The following RHPN2 variants were observed in gnomAD, a reference collection of about 807,000 sequenced individuals.
RHPN2 encodes the protein rhophilin Rho GTPase binding protein 2.
In RHPN2, 40 loss-of-function variants were observed where a neutral mutation model predicts 79.0. The observed-to-expected ratio is 0.51, with a 90% CI of 0.39 to 0.66. The LOEUF (loss-of-function observed/expected upper bound fraction) is 0.66, where lower values mean the gene tolerates loss of function less well. RHPN2 is among the 30% of genes least tolerant of loss of function. The pLI is 0.00. For missense variants in RHPN2, 686 were observed against 883.5 expected, an observed-to-expected ratio of 0.78 and a Z score of 2.83; for synonymous variants, 285 against 363.5, an observed-to-expected ratio of 0.78 and a Z score of 2.46.
At chr19:33,055,482 A>C (rs774433406) in intron 1 of RHPN2, among the ~76,000 whole-genome samples, 1 of 152,062 alleles carries the variant, frequency 6.6e-6, no homozygotes, top group Non-Finnish European at 1.5e-5. Context: ...CAAGGGTCCA[A>C]GGGGATGGAT....
chr19:32,983,055 T>C (rs1451794083), intron 14 of RHPN2, among the ~76,000 whole-genome samples: 1 of 103,372 alleles, frequency 9.7e-6, no homozygotes, highest in Non-Finnish European at 1.9e-5. Context: ...CCCAGATCTC[T>C]ACACACACAC....
Position 33,036,871 on chromosome 19 carries a change from C to CA in RHPN2, c.185+7377_185+7378insT, listed in dbSNP as rs1257546182. 7.6e-5 allele frequency among the ~76,000 whole-genome samples: 9 copies of CA among 118,500 alleles called. 1 individual carries two copies. The highest frequency in any genetic ancestry group is 2.6e-4 in the East Asian group (1 of 3,892). The allele number at this position is 118,500 out of a possible 152,430, so 77.7% of individuals were successfully genotyped here. ...GCACCTGTAGCCCGCCATGCCTGAG[C>CA]CCCCCCGCCACCCTCTGTGGGCTCC... is the stretch of plus-strand genomic sequence containing the variant. On this transcript the variant is annotated intron_variant, in intron 2 of 14. Coordinates refer to ENST00000254260, the MANE Select transcript of RHPN2 (RefSeq NM_033103.5).
In RHPN2 at chr19:32,986,952, T is replaced by C. The variant is rs1165081700; in HGVS notation, c.1800+3562A>G. On this transcript the variant is annotated intron_variant, in intron 14 of 14. Transcript: ENST00000254260. ...GTGCAGTGGTACAATCATAGCTCAC[T>C]GCAGCCCCAACCTCCTTGGGCTCAA... Among the ~76,000 whole-genome samples the C allele has an allele frequency of 2.6e-5, 4 of 151,654 alleles. 1 individual carries two copies. Among genetic ancestry groups the C allele is most frequent in the South Asian group, 4.2e-4 (2 of 4,802 alleles).
intron 4 of RHPN2, among the ~76,000 whole-genome samples, chr19:33,020,494 A>ATT (rs35117323): frequency 3.4e-4 from 45 of 131,424 alleles, no homozygotes; most frequent in Non-Finnish European, 6.0e-4. Context: ...TGCCCAGCTA[A>ATT]TTTTTTTTTT....
chr19:33,011,404 G>C (rs1222359748), intron 6 of RHPN2, among the ~76,000 whole-genome samples: 3 of 152,146 alleles, frequency 2.0e-5, no homozygotes, highest in Non-Finnish European at 4.4e-5. Context: ...TGCTTCCCCA[G>C]TGATACAACG....
intron 4 of RHPN2, among the ~76,000 whole-genome samples, chr19:33,015,254 G>A (rs7508511): frequency 0.31 from 46,417 of 148,694 alleles, 8,351 homozygotes; most frequent in East Asian, 0.5. Context: ...GTGAAACCCT[G>A]TCTCTACTAA....
chr19:33,014,751 C>T (rs544064727), intron 4 of RHPN2, among the ~76,000 whole-genome samples: 156 of 152,166 alleles, frequency 1.0e-3, no homozygotes, highest in African/African-American at 3.7e-3. Context: ...GAAACCCCAA[C>T]TCTATTAAAA....
intron 14 of RHPN2, among the ~76,000 whole-genome samples, chr19:32,981,121 G>A (rs1259090623): frequency 2.0e-5 from 3 of 152,026 alleles, no homozygotes; most frequent in African/African-American, 7.2e-5. Flanking sequence ...CACCACGCCC[G>A]GCCCAACAAG....
rs967784684 is a variant in RHPN2, at chr19:33,007,900, G to A, written c.760+114C>T. 7.8e-6 allele frequency: 8 copies of A among 1,020,544 alleles called. No individual in the cohort carries two copies. The African/African-American group carries it at 1.0e-4, about 13-fold the overall frequency. The allele number at this position is 1,020,544 out of a possible 1,614,324, so 63.2% of individuals were successfully genotyped here. ...TTAATGGGAAGTTACACCAGAGCTGGAGACTGGTCTGGCCCTTGCGAGGGA... is the reference window on the plus strand; with the variant it reads ...TTAATGGGAAGTTACACCAGAGCTGAAGACTGGTCTGGCCCTTGCGAGGGA... On this transcript the variant is annotated intron_variant, in intron 7 of 14. Coordinates refer to ENST00000254260, the MANE Select transcript of RHPN2 (RefSeq NM_033103.5).
rs192056274 is a variant in RHPN2 at position 33,005,685 on chromosome 19, C to A, written c.760+2329G>T. On this transcript the variant is annotated intron_variant, in intron 7 of 14. Coordinates refer to ENST00000254260, the MANE Select transcript of RHPN2 (RefSeq NM_033103.5). ...TGAGCTGCGAGCTCCATGGGGGTTC[C>A]CTCACACTCCCCACTGTTCTCCTAC... Among the ~76,000 whole-genome samples, 137 of 151,294 alleles carry A rather than the reference C, an allele frequency of 9.1e-4. 1 individual carries two copies. The highest frequency in any genetic ancestry group is 3.2e-3 in the African/African-American group (133 of 41,248).
chr19:32,980,219 T>C lies in RHPN2; in HGVS notation c.1838A>G (p.Lys613Arg). 9 of 1,613,910 alleles carry C rather than the reference T, an allele frequency of 5.6e-6. No homozygotes were observed. The highest frequency in any genetic ancestry group is 7.6e-6 in the Non-Finnish European group (9 of 1,179,824). The change falls in exon 15 of 15, where the codon AAA (lysine) becomes AGA (arginine). Residue 613 changes from lysine (K) to arginine (R), a missense_variant. By Grantham distance (26) the Lys-to-Arg change is conservative (BLOSUM62 2). Coordinates refer to ENST00000254260, the MANE Select transcript of RHPN2 (RefSeq NM_033103.5). The part of the protein sequence containing the change: ...KSATYSVGMQ[K>R]TYSMICLAID... ...GGCTAAGCAGATCATGGAGTACGTT[T>C]TCTGCATTCCCACGGAGTATGTGGC...
chr19:33,056,970 A>T (rs1972238057), intron 1 of RHPN2, among the ~76,000 whole-genome samples: 1 of 150,446 alleles, frequency 6.6e-6, no homozygotes, highest in Non-Finnish European at 1.5e-5. Flanking sequence ...AAAAAAAAAA[A>T]TTAGCCGGAC....
intron 10 of RHPN2, among the ~76,000 whole-genome samples, chr19:32,999,197 T>G (rs1971728976): frequency 6.6e-6 from 1 of 151,976 alleles, no homozygotes; most frequent in Admixed American, 6.6e-5. Flanking sequence ...GAAGAGATAT[T>G]CACACTGAGA....
At chr19:33,012,522 C>A (rs1971843462) in intron 5 of RHPN2, 125 bp downstream of exon 5, 1 of 766,410 alleles carries the variant, frequency 1.3e-6, no homozygotes, top group Non-Finnish European at 2.4e-6. Context: ...TGGATGATTC[C>A]AGCACCCCCC....
intron 2 of RHPN2, among the ~76,000 whole-genome samples, chr19:33,029,193 C>T (rs1340835634): frequency 6.6e-6 from 1 of 150,726 alleles, no homozygotes; most frequent in Non-Finnish European, 1.5e-5. Context: ...ATCAAGATAG[C>T]ATGGTACTGA....
At chr19:32,988,999 A>T (rs1283777872) in intron 14 of RHPN2, among the ~76,000 whole-genome samples, 1 of 152,230 alleles carries the variant, frequency 6.6e-6, no homozygotes, top group Non-Finnish European at 1.5e-5. Context: ...TATTTGTTGA[A>T]TGAATAAATG....
intron 1 of RHPN2, among the ~76,000 whole-genome samples, chr19:33,057,276 G>T: frequency 6.6e-6 from 1 of 152,052 alleles, no homozygotes; most frequent in African/African-American, 2.4e-5. Context: ...CAGGGAGGTT[G>T]AGGCTGCAGT....
intron 1 of RHPN2, among the ~76,000 whole-genome samples, chr19:33,046,376 C>T (rs1388521566): frequency 6.6e-6 from 1 of 152,132 alleles, no homozygotes; most frequent in African/African-American, 2.4e-5. Flanking sequence ...AACGATTCTC[C>T]TGCTTCAGCC....
Position 33,032,050 on chromosome 19 carries a change from T to C in RHPN2, c.186-5418A>G, listed in dbSNP as rs371156384. On this transcript the variant is annotated intron_variant, in intron 2 of 14. Coordinates refer to ENST00000254260, the MANE Select transcript of RHPN2 (RefSeq NM_033103.5). ...TTTTTTTTTTTTTTGAGGCAGAGTCTCACTCTTTCCCCCGGGCTGGAATGC... is the reference window on the plus strand; with the variant it reads ...TTTTTTTTTTTTTTGAGGCAGAGTCCCACTCTTTCCCCCGGGCTGGAATGC... Among the ~76,000 whole-genome samples, 116 of 120,994 alleles carry C rather than the reference T, an allele frequency of 9.6e-4. 1 individual carries two copies. The highest frequency in any genetic ancestry group is 3.6e-3 in the African/African-American group (108 of 29,732). 79.4% of individuals were successfully genotyped at this position (120,994 alleles called of 152,430 possible).
Sources: allele counts gnomAD v4.1 joint callset (sites outside exome capture counted in the v4.1 genomes callset), GRCh38; gene constraint gnomAD v4.1.1; transcripts MANE v1.5; gene names NCBI Gene and HGNC (gene_info 2026-07-23, HGNC 2026-07-21).